The following PGGT1B variants were observed in gnomAD, a reference collection of about 807,000 sequenced individuals.
The protein encoded by PGGT1B is protein geranylgeranyltransferase type I subunit beta.
A neutral mutation model predicts 46.1 loss-of-function variants in PGGT1B; 30 were observed. That is an observed-to-expected ratio of 0.65 (90% CI 0.49 to 0.88). The LOEUF (loss-of-function observed/expected upper bound fraction) is 0.88, where lower values mean the gene tolerates loss of function less well. Ranked by LOEUF, PGGT1B falls within the 40% of genes least tolerant of loss-of-function variation. The pLI is 0.00. For missense variants in PGGT1B, 376 were observed against 455.9 expected, an observed-to-expected ratio of 0.82 and a Z score of 1.60; for synonymous variants, 170 against 160.0, an observed-to-expected ratio of 1.06 and a Z score of -0.47.
chr5:115,254,320 A>G (rs1748223745), intron 1 of PGGT1B, among the ~76,000 whole-genome samples: 1 of 151,994 alleles, frequency 6.6e-6, no homozygotes, highest in Admixed American at 6.6e-5. Context: ...ATATTTGCAT[A>G]TACATGAGAT....
intron 2 of PGGT1B, among the ~76,000 whole-genome samples, chr5:115,248,688 T>G (rs1484659718): frequency 6.6e-6 from 1 of 152,218 alleles, no homozygotes; most frequent in Non-Finnish European, 1.5e-5. Flanking sequence ...CAAACGTGAT[T>G]GTCTCCACTC....
intron 2 of PGGT1B, among the ~76,000 whole-genome samples, chr5:115,243,719 G>T (rs1053545903): frequency 6.6e-6 from 1 of 152,108 alleles, no homozygotes; most frequent in Non-Finnish European, 1.5e-5. Context: ...TTACTTGGAG[G>T]CTTTGGGGGA....
In PGGT1B at chr5:115,225,297, C is replaced by G. The variant is rs540766527; in HGVS notation, c.659-3289G>C. On this transcript the variant is annotated intron_variant, in intron 6 of 8. Coordinates refer to ENST00000419445, the MANE Select transcript of PGGT1B (RefSeq NM_005023.4). Reference sequence around the variant, plus strand: ...GAGAATTAGCATATGCAGAATACTTCAGTCATAAAACATCACAGATGAAAG... The same window carrying G: ...GAGAATTAGCATATGCAGAATACTTGAGTCATAAAACATCACAGATGAAAG... Among the ~76,000 whole-genome samples the G allele has an allele frequency of 1.2e-4, 18 of 152,354 alleles. No individual in the cohort carries two copies. In the South Asian group the frequency reaches 3.1e-3, roughly 26 times the overall value.
At chr5:115,261,890 T>G (rs1162911629) in intron 1 of PGGT1B, among the ~76,000 whole-genome samples, 3 of 152,224 alleles carry the variant, frequency 2.0e-5, no homozygotes, top group Non-Finnish European at 2.9e-5. Context: ...TACCATAATG[T>G]GGTTCTTGAC....
chr5:115,204,639 T>A lies in PGGT1B; in HGVS notation c.*7763A>T, dbSNP rs1329546679. 3.3e-5 allele frequency: 5 copies of A among 152,134 alleles called. No homozygotes were observed. The highest frequency in any genetic ancestry group is 4.8e-5 in the African/African-American group (2 of 41,436). The allele number at this position is 152,134 out of a possible 1,614,324, so 9.4% of individuals were successfully genotyped here. ...AGGAAACAGGCACTCTCATACCTTG[T>A]TGTTGAGTTTATGAATGGCTACACT... On this transcript the variant is annotated 3_prime_UTR_variant, in exon 9 of 9. Coordinates refer to ENST00000419445, the MANE Select transcript of PGGT1B (RefSeq NM_005023.4).
chr5:115,212,907 G>A (rs79171981), intron 8 of PGGT1B, among the ~76,000 whole-genome samples: 1 of 152,178 alleles, frequency 6.6e-6, no homozygotes, highest in African/African-American at 2.4e-5. Flanking sequence ...TCTCACTTTG[G>A]GGAGTTTCCC....
intron 5 of PGGT1B, among the ~76,000 whole-genome samples, chr5:115,231,943 A>G (rs1288693431): frequency 6.6e-6 from 1 of 152,070 alleles, no homozygotes; most frequent in African/African-American, 2.4e-5. Flanking sequence ...TCAGTGATCA[A>G]TCATACCACC....
intron 6 of PGGT1B, among the ~76,000 whole-genome samples, chr5:115,225,695 G>C (rs1297186978): frequency 1.3e-5 from 2 of 151,430 alleles, no homozygotes; most frequent in Admixed American, 1.3e-4. Flanking sequence ...ACCCAGGCTG[G>C]AGTGCAGTGG....
At position 115,212,173 on chromosome 5, in the gene PGGT1B, T is replaced by C. The variant is rs1395848609; in HGVS notation, c.*229A>G. Reference sequence around the variant, plus strand: ...CAAACAACTTCTTAGAAATACAGTATAAACATTTAAGAACCACGACAAAGT... The same window carrying C: ...CAAACAACTTCTTAGAAATACAGTACAAACATTTAAGAACCACGACAAAGT... On this transcript the variant is annotated 3_prime_UTR_variant, in exon 9 of 9. Transcript: ENST00000419445. 5 of 623,914 alleles carry C rather than the reference T, an allele frequency of 8.0e-6. 1 individual carries two copies. Among genetic ancestry groups the C allele is most frequent in the East Asian group, 3.4e-5 (1 of 29,194 alleles). The allele number at this position is 623,914 out of a possible 1,614,324, so 38.6% of individuals were successfully genotyped here.
At chr5:115,244,685 G>A (rs556179649) in intron 2 of PGGT1B, among the ~76,000 whole-genome samples, 1 of 152,018 alleles carries the variant, frequency 6.6e-6, no homozygotes, top group Admixed American at 6.5e-5. Context: ...TTGCCTCGCA[G>A]GCACAAGCAA....
At chr5:115,212,648 T>C in intron 8 of PGGT1B, 65 bp from the exon 9 acceptor site, 1 of 1,115,086 alleles carries the variant, frequency 9.0e-7, no homozygotes, top group Admixed American at 2.4e-5. Context: ...CAGAATATTT[T>C]AGCCACATAT....
chr5:115,208,067 C>A lies in PGGT1B; in HGVS notation c.*4335G>T, dbSNP rs1161293554. On this transcript the variant is annotated 3_prime_UTR_variant, in exon 9 of 9. Transcript: ENST00000419445. The stretch of plus-strand genomic sequence containing the variant: ...ACTACCCTTGCATTCTTACAATAAA[C>A]CCAACTTAGTCATGATTACCTTTTG... 6 of 151,988 alleles carry A rather than the reference C, an allele frequency of 3.9e-5. No homozygotes were observed. The highest frequency in any genetic ancestry group is 8.8e-5 in the Non-Finnish European group (6 of 67,904). 9.4% of individuals were successfully genotyped at this position (151,988 alleles called of 1,614,324 possible). A position where few individuals can be genotyped will look rare whatever the true frequency, so the allele number is the denominator to read the frequency against.
rs1038503558 is a variant in PGGT1B at position 115,205,527 on chromosome 5, G to A, written c.*6875C>T. On this transcript the variant is annotated 3_prime_UTR_variant, in exon 9 of 9. Coordinates refer to ENST00000419445, the MANE Select transcript of PGGT1B (RefSeq NM_005023.4). The stretch of plus-strand genomic sequence containing the variant: ...GCATAAAAAGAATGTTATTTCTGGA[G>A]ACAGAAAACATGCACTCTAGTTACA... The A allele has an allele frequency of 1.3e-5, 2 of 152,086 alleles. No individual in the cohort carries two copies. Among genetic ancestry groups the A allele is most frequent in the Non-Finnish European group, 2.9e-5 (2 of 67,964 alleles). The allele number at this position is 152,086 out of a possible 1,614,324, so 9.4% of individuals were successfully genotyped here. A position where few individuals can be genotyped will look rare whatever the true frequency, so the allele number is the denominator to read the frequency against.
rs546978990 is a variant in PGGT1B at position 115,206,589 on chromosome 5, A to G, written c.*5813T>C. On this transcript the variant is annotated 3_prime_UTR_variant, in exon 9 of 9. Coordinates refer to ENST00000419445, the MANE Select transcript of PGGT1B (RefSeq NM_005023.4). ...CCAATACAAAACTTTTCATTTATTCAACATTACGAATGCCTTCCAATATCC... is the reference window on the plus strand; with the variant it reads ...CCAATACAAAACTTTTCATTTATTCGACATTACGAATGCCTTCCAATATCC... 6.6e-6 allele frequency: 1 copy of G among 152,096 alleles called. No individual in the cohort carries two copies. Among genetic ancestry groups the G allele is most frequent in the South Asian group, 2.1e-4 (1 of 4,830 alleles). The allele number at this position is 152,096 out of a possible 1,614,324, so 9.4% of individuals were successfully genotyped here.
At position 115,205,857 on chromosome 5, in the gene PGGT1B, G is replaced by A. The variant is rs957675846; in HGVS notation, c.*6545C>T. ...GTAATTCCTTATCTATAAATTTAAA[G>A]AAACATGCAAATGGGCAATTATACA... On this transcript the variant is annotated 3_prime_UTR_variant, in exon 9 of 9. Coordinates refer to ENST00000419445, the MANE Select transcript of PGGT1B (RefSeq NM_005023.4). The A allele has an allele frequency of 1.3e-5, 2 of 151,900 alleles. No homozygotes were observed. Among genetic ancestry groups the A allele is most frequent in the Non-Finnish European group, 2.9e-5 (2 of 67,930 alleles). 9.4% of individuals were successfully genotyped at this position (151,900 alleles called of 1,614,324 possible). A position where few individuals can be genotyped will look rare whatever the true frequency, so the allele number is the denominator to read the frequency against.
chr5:115,214,307 A>G (rs1756342045), intron 8 of PGGT1B, among the ~76,000 whole-genome samples: 1 of 152,140 alleles, frequency 6.6e-6, no homozygotes, highest in African/African-American at 2.4e-5. Context: ...TGTTTTTAAA[A>G]AAACTCCTTA....
At chr5:115,249,063 T>C (rs567940622) in intron 2 of PGGT1B, among the ~76,000 whole-genome samples, 24 of 152,334 alleles carry the variant, frequency 1.6e-4, no homozygotes, top group African/African-American at 5.8e-4. Context: ...TATTTACTTA[T>C]GGTAAACATT....
At chr5:115,213,386 G>GT (rs1475204308) in intron 8 of PGGT1B, among the ~76,000 whole-genome samples, 2 of 152,156 alleles carry the variant, frequency 1.3e-5, no homozygotes, top group Non-Finnish European at 2.9e-5. Context: ...GAGCTTTGCA[G>GT]TTATAGGAAC....
rs951225841 is a variant in PGGT1B at position 115,235,405 on chromosome 5, T to G, written c.612+985A>C. Among the ~76,000 whole-genome samples the G allele has an allele frequency of 7.2e-5, 11 of 152,208 alleles. 1 individual carries two copies. The highest frequency in any genetic ancestry group is 2.0e-4 in the Admixed American group (3 of 15,286). On this transcript the variant is annotated intron_variant, in intron 5 of 8. Coordinates refer to ENST00000419445, the MANE Select transcript of PGGT1B (RefSeq NM_005023.4). ...CTAACAACACTATTGGATAAAAATTTGATTAGGGACTCACTGAATATTTAG... is the reference window on the plus strand; with the variant it reads ...CTAACAACACTATTGGATAAAAATTGGATTAGGGACTCACTGAATATTTAG...
Sources: allele counts gnomAD v4.1 joint callset (sites outside exome capture counted in the v4.1 genomes callset), GRCh38; gene constraint gnomAD v4.1.1; transcripts MANE v1.5; gene names NCBI Gene and HGNC (gene_info 2026-07-23, HGNC 2026-07-21).